MS4A13: variants seen among roughly 807,000 people sequenced by gnomAD.
MS4A13 encodes membrane-spanning 4-domains subfamily A member 13.
MS4A13 carries 21 observed loss-of-function variants against 18.4 expected under a neutral mutation model. That is an observed-to-expected ratio of 1.14 (90% confidence interval 0.81 to 1.64). The LOEUF (loss-of-function observed/expected upper bound fraction) is 1.64, where lower values mean the gene tolerates loss of function less well. Ranked by LOEUF, MS4A13 falls within the 40% of genes most tolerant of loss-of-function variation. MS4A13 has a pLI of 0.00. For synonymous variants in MS4A13, 62 were observed against 57.2 expected (o/e 1.08, Z -0.38); for missense variants, 173 against 176.8 (o/e 0.98, Z 0.12).
intron 4 of MS4A13, 85 bp downstream of exon 4, chr11:60,524,038 C>A: frequency 1.2e-6 from 1 of 802,554 alleles, no homozygotes; most frequent in Non-Finnish European, 2.1e-6. Flanking sequence ...AACGTCTAAA[C>A]AATGAAGGAA....
chr11:60,518,112 G>T lies in MS4A13; in HGVS notation c.29G>T (p.Trp10Leu). 2 of 1,605,160 alleles carry T rather than the reference G, an allele frequency of 1.2e-6. No homozygotes were observed. The highest frequency in any genetic ancestry group is 1.7e-6 in the Non-Finnish European group (2 of 1,173,230). The change falls in exon 3 of 7, where the codon TGG (tryptophan) becomes TTG (leucine). Residue 10 changes from tryptophan (W) to leucine (L), a missense_variant. Trp to Leu is a moderately conservative substitution (Grantham distance 61). Coordinates refer to ENST00000378186, the MANE Select transcript of MS4A13 (RefSeq NM_001012417.3). ...ATTGGCATCTTTCACATTTTCATGT[G>T]GTACTTTCTATTGGTTTTGTATATG... The part of the protein sequence containing the change: MIGIFHIFM[W>L]YFLLVLYMGQ...
chr11:60,543,380 C>T (rs1472432531), downstream of MS4A13, among the ~76,000 whole-genome samples: 1 of 151,926 alleles, frequency 6.6e-6, no homozygotes, highest in East Asian at 1.9e-4. Context: ...CTACTGTATG[C>T]CAATGAATAA....
chr11:60,529,055 T>A (rs1038632654), intron 5 of MS4A13, among the ~76,000 whole-genome samples: 2 of 152,096 alleles, frequency 1.3e-5, no homozygotes, highest in Non-Finnish European at 2.9e-5. Context: ...ACTGGAGAGT[T>A]TAGATAGTGA....
chr11:60,538,350 G>C (rs956755821), intron 6 of MS4A13, among the ~76,000 whole-genome samples: 1 of 151,550 alleles, frequency 6.6e-6, no homozygotes, highest in African/African-American at 2.4e-5. Context: ...GATCAATTAC[G>C]TAGACTGGGG....
Position 60,527,445 on chromosome 11 carries a change from T to TG in MS4A13, c.307-1920_307-1919insG, listed in dbSNP as rs2086726963. On this transcript the variant is annotated intron_variant, in intron 5 of 6. Coordinates refer to ENST00000378186, the MANE Select transcript of MS4A13 (RefSeq NM_001012417.3). ...GTGTGTGTGTGTGTGTGTGTGTGTG[T>TG]TTCCGTTTCCTCAGTTTTCATATTT... 2.3e-4 allele frequency among the ~76,000 whole-genome samples: 35 copies of TG among 149,358 alleles called. 1 individual carries two copies. The highest frequency in any genetic ancestry group is 7.2e-4 in the African/African-American group (29 of 40,076).
intron 3 of MS4A13, among the ~76,000 whole-genome samples, chr11:60,520,454 TG>T (rs1470873536): frequency 6.6e-6 from 1 of 152,160 alleles, no homozygotes; most frequent in African/African-American, 2.4e-5. Flanking sequence ...CTAGATACAA[TG>T]GGGGTACAGG....
intron 2 of MS4A13, among the ~76,000 whole-genome samples, chr11:60,517,591 A>G (rs776626199): frequency 6.6e-6 from 1 of 152,204 alleles, no homozygotes; most frequent in Non-Finnish European, 1.5e-5. Context: ...GAAAAAAATC[A>G]TACCAAATAC....
At chr11:60,526,695 A>C (rs1303578180) in intron 5 of MS4A13, among the ~76,000 whole-genome samples, 1 of 152,230 alleles carries the variant, frequency 6.6e-6, no homozygotes, top group African/African-American at 2.4e-5. Flanking sequence ...CAGGACTTTT[A>C]CATGCCAACT....
At chr11:60,520,764 G>A (rs552457288) in intron 3 of MS4A13, among the ~76,000 whole-genome samples, 1 of 152,198 alleles carries the variant, frequency 6.6e-6, no homozygotes, top group Non-Finnish European at 1.5e-5. Context: ...TACCATTCTG[G>A]GGTCTGGAGG....
At position 60,529,404 on chromosome 11, in the gene MS4A13, T is replaced by C; in HGVS notation, c.346T>C (p.Tyr116His). 1.2e-6 allele frequency: 2 copies of C among 1,610,460 alleles called. No individual in the cohort carries two copies. The highest frequency in any genetic ancestry group is 1.7e-6 in the Non-Finnish European group (2 of 1,178,374). The change falls in exon 6 of 7, where the codon TAC (tyrosine) becomes CAC (histidine). Residue 116 changes from tyrosine to histidine, a missense_variant. Tyr to His is a moderately conservative substitution (Grantham distance 83). Coordinates refer to ENST00000378186, the MANE Select transcript of MS4A13 (RefSeq NM_001012417.3). ...REVSRILLFF[Y>H]GLEFSIALTH... ...AGTATCACGTATTTTACTGTTCTTC[T>C]ACGGTTTGGAATTTTCTATTGCACT... is the stretch of plus-strand genomic sequence containing the variant.
chr11:60,538,644 A>T (rs2135271649), intron 6 of MS4A13, among the ~76,000 whole-genome samples: 1 of 151,826 alleles, frequency 6.6e-6, no homozygotes, highest in South Asian at 2.1e-4. Flanking sequence ...TTTGAAGGTA[A>T]GTTGCCAGCC....
chr11:60,527,410 C>CTGTGTGTGTG lies in MS4A13; in HGVS notation c.307-1929_307-1920dup, dbSNP rs1224398821. 7.9e-3 allele frequency among the ~76,000 whole-genome samples: 228 copies of CTGTGTGTGTG among 28,782 alleles called. 10 individuals carry two copies. Among genetic ancestry groups the CTGTGTGTGTG allele is most frequent in the Middle Eastern group, 0.077 (2 of 26 alleles). 18.9% of individuals were successfully genotyped at this position (28,782 alleles called of 152,430 possible). ...TCTCTCTCTCTCTCTCTCTCTCTCT[C>CTGTGTGTGTG]TGTGTGTGTGTGTGTGTGTGTGTGT... On this transcript the variant is annotated intron_variant, in intron 5 of 6. Transcript: ENST00000378186.
chr11:60,531,086 C>T lies in MS4A13; in HGVS notation c.402+1626C>T, dbSNP rs529911327. On this transcript the variant is annotated intron_variant, in intron 6 of 6. Transcript: ENST00000378186. ...AATATACTACCCCACCCTCAGATTC[C>T]GTTACGCAGAAGTTTACCTTGGTGG... 7.9e-5 allele frequency among the ~76,000 whole-genome samples: 12 copies of T among 152,234 alleles called. No individual in the cohort carries two copies. In the South Asian group the frequency reaches 2.5e-3, roughly 32 times the overall value.
chr11:60,524,661 A>ATTT (rs1246862728), intron 4 of MS4A13, among the ~76,000 whole-genome samples: 1 of 99,930 alleles, frequency 1.0e-5, no homozygotes, highest in Admixed American at 1.6e-4. Context: ...AAAACACAAT[A>ATTT]CTTTTTTTTT....
intron 6 of MS4A13, among the ~76,000 whole-genome samples, chr11:60,538,871 G>T (rs1000172393): frequency 7.6e-6 from 1 of 131,794 alleles, no homozygotes; most frequent in African/African-American, 2.9e-5. Context: ...GATAAGGGTT[G>T]AATGCATCTC....
intron 3 of MS4A13, among the ~76,000 whole-genome samples, chr11:60,522,227 G>GATGTATATATATAT (rs1299811438): frequency 1.0e-5 from 1 of 97,240 alleles, no homozygotes; most frequent in Non-Finnish European, 2.0e-5. Flanking sequence ...TAGATAGATA[G>GATGTATATATATAT]ATAGATAGAT....
intron 6 of MS4A13, among the ~76,000 whole-genome samples, chr11:60,531,857 G>A (rs12578017): frequency 0.16 from 25,041 of 152,100 alleles, 2,315 homozygotes; most frequent in East Asian, 0.28. Context: ...TTCATTGCCA[G>A]TTAAAAGACC....
At chr11:60,520,099 T>C (rs750703015) in intron 3 of MS4A13, among the ~76,000 whole-genome samples, 14 of 152,110 alleles carry the variant, frequency 9.2e-5, no homozygotes, top group Non-Finnish European at 1.9e-4. Context: ...CCAAATCTCA[T>C]CTTATAGCTC....
In MS4A13 at chr11:60,529,465, G is replaced by A; in HGVS notation, c.402+5G>A. On this transcript the variant is annotated splice_donor_5th_base_variant and intron_variant, in intron 6 of 6. Coordinates refer to ENST00000378186, the MANE Select transcript of MS4A13 (RefSeq NM_001012417.3). ...ATATACAGCTGTTCCAATTTGGTAA[G>A]TGTTTACCCACTCTCTGGCAAATCA... 6.5e-7 allele frequency: 1 copy of A among 1,542,090 alleles called. No homozygotes were observed. The highest frequency in any genetic ancestry group is 8.8e-7 in the Non-Finnish European group (1 of 1,132,658).
Sources: gnomAD v4.1 joint callset for allele counts (sites outside exome capture counted in the v4.1 genomes callset) on GRCh38, gnomAD v4.1.1 for gene constraint, MANE v1.5 for transcripts, NCBI Gene and HGNC (gene_info 2026-07-23, HGNC 2026-07-21) for gene names.